TNS4: variants seen among roughly 807,000 people sequenced by gnomAD.
The protein encoded by TNS4 is tensin-4.
TNS4 carries 46 observed loss-of-function variants against 70.4 expected under a neutral mutation model. The ratio of observed to expected loss-of-function variants is 0.65; its 90% CI spans 0.52 to 0.84. TNS4 has a LOEUF of 0.84. TNS4 is among the 40% of genes least tolerant of loss of function. TNS4 has a pLI of 0.00. For missense variants in TNS4, 863 were observed against 907.0 expected (o/e 0.95, Z 0.62); for synonymous variants, 390 against 366.6 (o/e 1.06, Z -0.73).
Position 40,479,737 on chromosome 17 carries a change from G to A in TNS4, c.1847C>T (p.Thr616Met), listed in dbSNP as rs372307680. The A allele has an allele frequency of 5.0e-6, 8 of 1,613,996 alleles. No homozygotes were observed. In the African/African-American group the frequency reaches 5.3e-5, roughly 11 times the overall value. The change falls in exon 10 of 13, where the codon ACG (threonine) becomes ATG (methionine). Residue 616 changes from threonine (T) to methionine (M), a missense_variant. Coordinates refer to ENST00000254051, the MANE Select transcript of TNS4 (RefSeq NM_032865.6). Reference protein sequence around the residue: ...STTFERDILPTPTVVHFKVTE... With the variant: ...STTFERDILPMPTVVHFKVTE... ...GACTTTGAAGTGGACCACGGTGGGC[G>A]TGGGGAGGATGTCCCTCTCAAAGGT...
At chr17:40,478,026 A>G in intron 12 of TNS4, 2 of 601,634 alleles carry the variant, frequency 3.3e-6, no homozygotes, top group Non-Finnish European at 5.9e-6. Flanking sequence ...GCAAGGATGC[A>G]TCTTGATCAT....
At chr17:40,488,040 C>T (rs1804044158) in intron 3 of TNS4, among the ~76,000 whole-genome samples, 1 of 152,238 alleles carries the variant, frequency 6.6e-6, no homozygotes, top group Non-Finnish European at 1.5e-5. Context: ...GTTCGGTCTT[C>T]CTGGGGCAGA....
chr17:40,500,410 A>T (rs528746958), intron 1 of TNS4, among the ~76,000 whole-genome samples: 6 of 152,050 alleles, frequency 3.9e-5, no homozygotes, highest in African/African-American at 1.4e-4. Context: ...CACTCCTCTA[A>T]CTTGCTCTTT....
Position 40,476,673 on chromosome 17 carries a change from T to G in TNS4, c.*915A>C, listed in dbSNP as rs2035853484. On this transcript the variant is annotated 3_prime_UTR_variant, in exon 13 of 13. Coordinates refer to ENST00000254051, the MANE Select transcript of TNS4 (RefSeq NM_032865.6). Reference sequence around the variant, plus strand: ...TGCGGTCAGGAGTTCAAGACCAGCCTGGCCAACATGGTGAAACCCTGTCTC... The same window carrying G: ...TGCGGTCAGGAGTTCAAGACCAGCCGGGCCAACATGGTGAAACCCTGTCTC... 1 of 152,102 alleles carries G rather than the reference T, an allele frequency of 6.6e-6. No homozygotes were observed. The highest frequency in any genetic ancestry group is 1.5e-5 in the Non-Finnish European group (1 of 68,068). The allele number at this position is 152,102 out of a possible 1,614,324, so 9.4% of individuals were successfully genotyped here.
chr17:40,495,311 C>CTA (rs895410014), intron 2 of TNS4, among the ~76,000 whole-genome samples: 1 of 152,120 alleles, frequency 6.6e-6, no homozygotes, highest in African/African-American at 2.4e-5. Flanking sequence ...TGACAGCCTG[C>CTA]TACTCCACAT....
intron 1 of TNS4, among the ~76,000 whole-genome samples, chr17:40,498,380 G>A (rs2036171243): frequency 6.6e-6 from 1 of 152,320 alleles, no homozygotes; most frequent in Admixed American, 6.5e-5. Context: ...TCCTTGTGAA[G>A]GTAGTTAGGC....
intron 8 of TNS4, 108 bp downstream of exon 8, chr17:40,482,021 A>T: frequency 7.8e-7 from 1 of 1,286,888 alleles, no homozygotes; most frequent in Non-Finnish European, 1.1e-6. Flanking sequence ...ACACAGTTTT[A>T]ACCGTGACAC....
In TNS4 at chr17:40,484,568, T is replaced by G. The variant is rs776409160; in HGVS notation, c.1417A>C (p.Ile473Leu). The G allele has an allele frequency of 6.2e-7, 1 of 1,612,822 alleles. No individual in the cohort carries two copies. The highest frequency in any genetic ancestry group is 8.5e-7 in the Non-Finnish European group (1 of 1,180,002). The change falls in exon 6 of 13, where the codon ATA becomes CTA. Residue 473 changes from isoleucine (I) to leucine (L), a missense_variant. By Grantham distance (5) the Ile-to-Leu change is conservative. Transcript: ENST00000254051. ...LRKEEPGAFV[I>L]RDSSSYRGSF... ...CCTCGGTATGAAGAGCTGTCCCTTA[T>G]GACAAAAGCCCCTGGCTCCTCCTTC...
chr17:40,484,123 G>A (rs2035961168), intron 6 of TNS4, among the ~76,000 whole-genome samples: 1 of 152,230 alleles, frequency 6.6e-6, no homozygotes, highest in South Asian at 2.1e-4. Flanking sequence ...TGTGAGATAA[G>A]CTAGCTGCGT....
In TNS4 at chr17:40,482,408, T is replaced by A. The variant is rs757409743; in HGVS notation, c.1510A>T (p.Ser504Cys). The A allele has an allele frequency of 6.2e-7, 1 of 1,614,004 alleles. No homozygotes were observed. Among genetic ancestry groups the A allele is most frequent in the South Asian group, 1.1e-5 (1 of 91,084 alleles). ...AGGAAGTGTCGGATGAGGTCATTGC[T>A]GTCCTCACCTGGACAGAGAAGAAAG... ...ASAQSRPGED[S>C]NDLIRHFLIE... The change falls in exon 7 of 13, where the codon AGC becomes TGC. Residue 504 changes from serine (S) to cysteine (C), a missense_variant. Coordinates refer to ENST00000254051, the MANE Select transcript of TNS4 (RefSeq NM_032865.6).
intron 2 of TNS4, among the ~76,000 whole-genome samples, chr17:40,495,118 T>C (rs564564129): frequency 5.9e-4 from 90 of 152,250 alleles, no homozygotes; most frequent in African/African-American, 2.0e-3. Flanking sequence ...AACCCAGCCA[T>C]TATGAATAAT....
intron 1 of TNS4, among the ~76,000 whole-genome samples, chr17:40,500,255 T>C (rs1055808622): frequency 6.6e-6 from 1 of 152,222 alleles, no homozygotes; most frequent in Non-Finnish European, 1.5e-5. Context: ...GGGACAGACC[T>C]GGAGCTGAGC....
intron 4 of TNS4, among the ~76,000 whole-genome samples, chr17:40,486,751 C>T (rs554721895): frequency 2.0e-5 from 3 of 152,234 alleles, no homozygotes; most frequent in South Asian, 2.1e-4. Context: ...AGATCCAGCT[C>T]GGATGTCGCT....
chr17:40,492,914 G>A (rs1452342768), intron 2 of TNS4, among the ~76,000 whole-genome samples: 1 of 152,084 alleles, frequency 6.6e-6, no homozygotes, highest in Non-Finnish European at 1.5e-5. Context: ...GGGCATAGTG[G>A]TGGGCACCTG....
Position 40,486,854 on chromosome 17 carries a change from C to T in TNS4, c.1288+182G>A, listed in dbSNP as rs576272964. On this transcript the variant is annotated intron_variant, in intron 4 of 12. Coordinates refer to ENST00000254051, the MANE Select transcript of TNS4 (RefSeq NM_032865.6). ...TACCTCCGCGTTTATCCTACCCTAC[C>T]GTGATGATTTGTTTTTGTCTCTTTC... 6.0e-4 allele frequency among the ~76,000 whole-genome samples: 92 copies of T among 152,298 alleles called. 1 individual carries two copies. The South Asian group carries it at 0.019, about 31-fold the overall frequency.
At chr17:40,492,418 G>T (rs1047732015) in intron 2 of TNS4, among the ~76,000 whole-genome samples, 7 of 151,910 alleles carry the variant, frequency 4.6e-5, no homozygotes, top group Non-Finnish European at 8.8e-5. Context: ...GCCCAGGCTG[G>T]ATTACAGTGG....
At chr17:40,480,671 C>T (rs982687884) in intron 9 of TNS4, 29 bp downstream of exon 9, 5 of 1,493,500 alleles carry the variant, frequency 3.3e-6, no homozygotes, top group Non-Finnish European at 3.6e-6. Flanking sequence ...CACAGCCAAG[C>T]TTGGCGCCTC....
At chr17:40,482,914 G>A (rs1003507901) in intron 6 of TNS4, among the ~76,000 whole-genome samples, 25 of 151,922 alleles carry the variant, frequency 1.6e-4, no homozygotes, top group African/African-American at 6.0e-4. Context: ...TTTGGGGGTG[G>A]GGTGGGGAAA....
At chr17:40,494,684 A>G (rs1005649817) in intron 2 of TNS4, among the ~76,000 whole-genome samples, 3 of 148,914 alleles carry the variant, frequency 2.0e-5, no homozygotes, top group Admixed American at 1.4e-4. Flanking sequence ...GTGAGCCGAG[A>G]TCGTGCTGTT....
Sources: allele counts gnomAD v4.1 joint callset (sites outside exome capture counted in the v4.1 genomes callset), GRCh38; gene constraint gnomAD v4.1.1; transcripts MANE v1.5; gene names NCBI Gene and HGNC (gene_info 2026-07-23, HGNC 2026-07-21).